CAMTA1: variants seen among roughly 807,000 people sequenced by gnomAD.
CAMTA1 encodes the protein calmodulin-binding transcription activator 1.
A neutral mutation model predicts 170.9 loss-of-function variants in CAMTA1; 27 were observed. The ratio of observed to expected loss-of-function variants is 0.16; its 90% CI spans 0.12 to 0.22. The LOEUF is 0.22. Among genes scored for constraint, CAMTA1 ranks in the 10% least tolerant of loss-of-function variants. CAMTA1 has a pLI of 1.00. For synonymous variants in CAMTA1, 833 were observed against 891.5 expected, an observed-to-expected ratio of 0.93 and a Z score of 1.17; for missense variants, 1,619 against 2,217.2, an observed-to-expected ratio of 0.73 and a Z score of 5.42.
chr1:7,094,933 T>G (rs188253989), intron 4 of CAMTA1, among the ~76,000 whole-genome samples: 1 of 152,174 alleles, frequency 6.6e-6, no homozygotes, highest in African/African-American at 2.4e-5. Flanking sequence ...GAATTGAGAA[T>G]CTTGGAAAGA....
At chr1:7,055,464 A>G (rs1226305837) in intron 3 of CAMTA1, among the ~76,000 whole-genome samples, 1 of 152,220 alleles carries the variant, frequency 6.6e-6, no homozygotes, top group Non-Finnish European at 1.5e-5. Context: ...GGCTGTCCTC[A>G]GGAACAGATG....
chr1:7,213,357 G>T (rs1659127580), intron 4 of CAMTA1, among the ~76,000 whole-genome samples: 1 of 152,090 alleles, frequency 6.6e-6, no homozygotes, highest in South Asian at 2.1e-4. Flanking sequence ...TCTCTAATTG[G>T]CTAATGATGT....
intron 3 of CAMTA1, among the ~76,000 whole-genome samples, chr1:6,914,565 G>A (rs1391796187): frequency 1.3e-5 from 2 of 152,352 alleles, no homozygotes; most frequent in East Asian, 3.9e-4. Flanking sequence ...CCATGCAATG[G>A]CCATTTTTTG....
intron 3 of CAMTA1, among the ~76,000 whole-genome samples, chr1:6,944,599 C>T (rs1687269890): frequency 6.6e-6 from 1 of 152,184 alleles, no homozygotes; most frequent in South Asian, 2.1e-4. Context: ...CTCCACCACC[C>T]TCCAGTGTTT....
At chr1:7,746,742 T>C (rs1359122027) in intron 18 of CAMTA1, among the ~76,000 whole-genome samples, 1 of 151,478 alleles carries the variant, frequency 6.6e-6, no homozygotes, top group African/African-American at 2.4e-5. Context: ...ATTCAGGTGA[T>C]TCTCCTGCCT....
chr1:7,655,200 A>G (rs1349988149), intron 7 of CAMTA1, among the ~76,000 whole-genome samples: 2 of 140,302 alleles, frequency 1.4e-5, no homozygotes, highest in East Asian at 4.5e-4. Flanking sequence ...ACACACCCCT[A>G]TACACACAAA....
chr1:7,276,303 A>ATATATATATATATT, intron 5 of CAMTA1, among the ~76,000 whole-genome samples: 5 of 24,232 alleles, frequency 2.1e-4, no homozygotes, highest in South Asian at 2.4e-3. Context: ...ATATATATAT[A>ATATATATATATATT]TTTTTTTTTT....
intron 4 of CAMTA1, among the ~76,000 whole-genome samples, chr1:7,221,309 C>A (rs767274311): frequency 1.3e-5 from 2 of 151,942 alleles, no homozygotes; most frequent in Non-Finnish European, 2.9e-5. Flanking sequence ...TTCACTCAAG[C>A]ACTTGATGGG....
At chr1:7,264,985 C>T (rs1281083872) in intron 5 of CAMTA1, among the ~76,000 whole-genome samples, 3 of 152,214 alleles carry the variant, frequency 2.0e-5, no homozygotes, top group East Asian at 1.9e-4. Context: ...GTAGCAGTCG[C>T]GGCTTCCTTG....
intron 5 of CAMTA1, among the ~76,000 whole-genome samples, chr1:7,442,688 C>T (rs1370671029): frequency 1.3e-5 from 2 of 152,170 alleles, no homozygotes; most frequent in African/African-American, 4.8e-5. Context: ...GCCTCCATTC[C>T]CTCACTGGCA....
chr1:7,103,230 C>T (rs998213019), intron 4 of CAMTA1, among the ~76,000 whole-genome samples: 1 of 151,986 alleles, frequency 6.6e-6, no homozygotes, highest in Non-Finnish European at 1.5e-5. Context: ...ACTGGAAGTC[C>T]AAGGGTGAAA....
chr1:7,615,198 T>C (rs6673516), intron 6 of CAMTA1, among the ~76,000 whole-genome samples: 13,966 of 152,250 alleles, frequency 0.092, 2,078 homozygotes, highest in African/African-American at 0.32. Context: ...GGGGCAGCCT[T>C]AGGACCTGCG....
At chr1:7,594,117 G>GAGAAAGAAAGAA (rs373681342) in intron 6 of CAMTA1, among the ~76,000 whole-genome samples, 65 of 130,776 alleles carry the variant, frequency 5.0e-4, no homozygotes, top group African/African-American at 2.2e-3. Flanking sequence ...GAAAGAAAGA[G>GAGAAAGAAAGAA]AGAAAGAAAG....
intron 5 of CAMTA1, among the ~76,000 whole-genome samples, chr1:7,346,138 G>A (rs1436847119): frequency 6.6e-6 from 1 of 152,182 alleles, no homozygotes; most frequent in East Asian, 1.9e-4. Flanking sequence ...AGCTCCTGGG[G>A]TGAGTTAGTC....
intron 3 of CAMTA1, among the ~76,000 whole-genome samples, chr1:7,076,404 T>C (rs1193666972): frequency 6.6e-6 from 1 of 152,212 alleles, no homozygotes; most frequent in African/African-American, 2.4e-5. Flanking sequence ...CTGCAGCCCA[T>C]GCTGCTCTTC....
chr1:7,257,646 A>G (rs1458199231), intron 5 of CAMTA1, among the ~76,000 whole-genome samples: 1 of 152,188 alleles, frequency 6.6e-6, no homozygotes, highest in East Asian at 1.9e-4. Flanking sequence ...ATGCACAGAC[A>G]TGTGTGCATA....
At chr1:6,987,844 C>T (rs1284904674) in intron 3 of CAMTA1, among the ~76,000 whole-genome samples, 1 of 152,064 alleles carries the variant, frequency 6.6e-6, no homozygotes, top group Non-Finnish European at 1.5e-5. Context: ...CCCCTCCATC[C>T]CCAGCCTGTG....
At chr1:7,601,763 AC>A (rs1410913786) in intron 6 of CAMTA1, among the ~76,000 whole-genome samples, 1 of 152,112 alleles carries the variant, frequency 6.6e-6, no homozygotes, top group Non-Finnish European at 1.5e-5. Flanking sequence ...ACACAGCGAA[AC>A]CCCGTCTCCA....
At chr1:7,188,911 T>C (rs1653991056) in intron 4 of CAMTA1, among the ~76,000 whole-genome samples, 1 of 152,228 alleles carries the variant, frequency 6.6e-6, no homozygotes, top group African/African-American at 2.4e-5. Flanking sequence ...AGCAGCACCA[T>C]TGTACCTTCT....
Sources: gnomAD v4.1 joint callset for allele counts (sites outside exome capture counted in the v4.1 genomes callset) on GRCh38, gnomAD v4.1.1 for gene constraint, MANE v1.5 for transcripts, NCBI Gene and HGNC (gene_info 2026-07-23, HGNC 2026-07-21) for gene names.